Variants in NRG1 observed in about 807,000 individuals in gnomAD.
The protein encoded by NRG1 is pro-neuregulin-1, membrane-bound isoform.
In NRG1, 18 loss-of-function variants were observed where a neutral mutation model predicts 63.8. The observed-to-expected ratio is 0.28, with a 90% CI of 0.19 to 0.42. The LOEUF (loss-of-function observed/expected upper bound fraction) is 0.42. Among genes scored for constraint, NRG1 ranks in the 10% least tolerant of loss-of-function variants. NRG1 has a pLI of 1.00. For synonymous variants in NRG1, 302 were observed against 301.3 expected (o/e 1.00, Z -0.02); for missense variants, 762 against 814.7 (o/e 0.94, Z 0.79).
chr8:32,284,489 G>GCCTGCCTT lies in NRG1; in HGVS notation c.38-311336_38-311335insGCCTTCCT, dbSNP rs1338557078. On this transcript the variant is annotated intron_variant, in intron 1 of 10. Coordinates refer to the NRG1 transcript ENST00000519301. ...ATAATGCTTGCCTCCCTGCCTGCCT[G>GCCTGCCTT]CCTTCCTTCCTTCCTTCCTTCCTTC... 2.3e-3 allele frequency among the ~76,000 whole-genome samples: 309 copies of GCCTGCCTT among 132,600 alleles called. 2 individuals are homozygous for GCCTGCCTT. The highest frequency in any genetic ancestry group is 6.9e-3 in the African/African-American group (236 of 34,204). 87.0% of individuals were successfully genotyped at this position (132,600 alleles called of 152,430 possible).
intron 1 of NRG1, among the ~76,000 whole-genome samples, chr8:32,124,226 C>T (rs915324606): frequency 5.9e-5 from 9 of 151,912 alleles, no homozygotes; most frequent in Non-Finnish European, 1.3e-4. Context: ...CATTCTTTAG[C>T]CATGCACCAA....
chr8:32,568,346 G>A (rs962916979), intron 1 of NRG1, among the ~76,000 whole-genome samples: 14 of 152,036 alleles, frequency 9.2e-5, no homozygotes, highest in Non-Finnish European at 1.8e-4. Flanking sequence ...TTTACACTGT[G>A]GATTTTGGAG....
At chr8:32,323,996 A>G (rs1157537878) in intron 1 of NRG1, among the ~76,000 whole-genome samples, 2 of 152,188 alleles carry the variant, frequency 1.3e-5, no homozygotes, top group South Asian at 2.1e-4. Context: ...TCGTGTCAGG[A>G]GAAAGCTAAT....
chr8:32,313,003 A>G (rs559828401), intron 1 of NRG1, among the ~76,000 whole-genome samples: 8 of 152,236 alleles, frequency 5.3e-5, no homozygotes, highest in Middle Eastern at 3.4e-3. Context: ...AAAATACAAA[A>G]TTAGCCGCGT....
intron 1 of NRG1, among the ~76,000 whole-genome samples, chr8:31,982,355 A>G (rs1008183045): frequency 6.6e-5 from 10 of 152,098 alleles, no homozygotes; most frequent in Non-Finnish European, 1.3e-4. Flanking sequence ...ACAGTTGGGA[A>G]GAAGGTAAGT....
chr8:32,474,495 C>CT (rs10707813), intron 1 of NRG1, among the ~76,000 whole-genome samples: 132 of 132,386 alleles, frequency 1.0e-3, no homozygotes, highest in Middle Eastern at 3.7e-3. Flanking sequence ...GTGATATTCC[C>CT]TTTTTTTTTT....
intron 1 of NRG1, among the ~76,000 whole-genome samples, chr8:31,897,581 T>A (rs1469228763): frequency 6.6e-6 from 1 of 152,102 alleles, no homozygotes; most frequent in Non-Finnish European, 1.5e-5. Flanking sequence ...CAATCTATTC[T>A]CTCTGAAGCC....
chr8:32,307,702 A>G (rs1386866891), intron 1 of NRG1, among the ~76,000 whole-genome samples: 1 of 152,032 alleles, frequency 6.6e-6, no homozygotes, highest in Non-Finnish European at 1.5e-5. Flanking sequence ...TGCTACAGGC[A>G]TGAAGTTGCT....
At chr8:31,873,515 G>A (rs534436464) in intron 1 of NRG1, among the ~76,000 whole-genome samples, 71 of 152,222 alleles carry the variant, frequency 4.7e-4, no homozygotes, top group Non-Finnish European at 9.3e-4. Context: ...GCTGAGATCA[G>A]ACCACTGCAC....
At chr8:31,866,485 T>C (rs537226180) in intron 1 of NRG1, among the ~76,000 whole-genome samples, 64 of 152,298 alleles carry the variant, frequency 4.2e-4, no homozygotes, top group African/African-American at 1.3e-3. Context: ...TTGTTGACTT[T>C]CATTGCTACA....
intron 1 of NRG1, among the ~76,000 whole-genome samples, chr8:32,196,170 C>T (rs1004685334): frequency 2.7e-5 from 4 of 146,086 alleles, no homozygotes; most frequent in Non-Finnish European, 6.1e-5. Flanking sequence ...AGCAGTTGAT[C>T]TGTACACATA....
intron 1 of NRG1, among the ~76,000 whole-genome samples, chr8:31,654,316 T>C (rs544514002): frequency 6.6e-6 from 1 of 152,312 alleles, no homozygotes; most frequent in South Asian, 2.1e-4. Flanking sequence ...AACCAGTTCA[T>C]CCCAGGTGAA....
intron 1 of NRG1, among the ~76,000 whole-genome samples, chr8:31,672,631 A>T (rs1187620357): frequency 6.6e-6 from 1 of 152,168 alleles, no homozygotes; most frequent in Non-Finnish European, 1.5e-5. Context: ...ATATTGGCTG[A>T]ATAATTTGTA....
intron 1 of NRG1, among the ~76,000 whole-genome samples, chr8:32,463,827 C>CAAAGCAAG (rs1822643787): frequency 7.4e-6 from 1 of 134,878 alleles, no homozygotes; most frequent in South Asian, 2.5e-4. Context: ...GGTAACAAAG[C>CAAAGCAAG]AAAGCAAGAC....
chr8:32,609,610 CCTT>C (rs1845988751), intron 3 of NRG1, among the ~76,000 whole-genome samples: 1 of 114,214 alleles, frequency 8.8e-6, no homozygotes. Context: ...TTCCTTCCTT[CCTT>C]CCTTCCTTTC....
intron 1 of NRG1, among the ~76,000 whole-genome samples, chr8:32,158,448 G>GATAGATATAGATATATATATATATATAT (rs1491221971): frequency 1.6e-5 from 1 of 62,184 alleles, no homozygotes; most frequent in Non-Finnish European, 3.9e-5. Flanking sequence ...TGGTTTACAT[G>GATAGATATAGATATATATATATATATAT]ATATATATAT....
intron 1 of NRG1, among the ~76,000 whole-genome samples, chr8:31,957,989 C>A (rs780538848): frequency 2.0e-5 from 3 of 151,938 alleles, no homozygotes; most frequent in Non-Finnish European, 2.9e-5. Context: ...AAGATTAAAT[C>A]TGTATCCTCT....
rs150912287 is a variant in NRG1 at position 31,809,335 on chromosome 8, C to CATAT, written c.37+169914_37+169917dup. Among the ~76,000 whole-genome samples the CATAT allele has an allele frequency of 2.3e-3, 319 of 138,666 alleles. 2 individuals carry two copies. The highest frequency in any genetic ancestry group is 0.01 in the East Asian group (45 of 4,478). The allele number at this position is 138,666 out of a possible 152,430, so 91.0% of individuals were successfully genotyped here. A position where few individuals can be genotyped will look rare whatever the true frequency, so the allele number is the denominator to read the frequency against. ...AGTTTTTTTTTTCTCTCTCTCTCTC[C>CATAT]ATATATATATATACACACACACACA... On this transcript the variant is annotated intron_variant, in intron 1 of 10. Coordinates refer to the NRG1 transcript ENST00000519301.
intron 1 of NRG1, among the ~76,000 whole-genome samples, chr8:31,731,789 A>C (rs188034170): frequency 2.0e-5 from 3 of 152,332 alleles, no homozygotes; most frequent in Admixed American, 1.3e-4. Flanking sequence ...ATGTTAAATA[A>C]AATAAAGATG....
Sources: allele counts gnomAD v4.1 joint callset (sites outside exome capture counted in the v4.1 genomes callset), GRCh38; gene constraint gnomAD v4.1.1; transcripts MANE v1.5; gene names NCBI Gene and HGNC (gene_info 2026-07-23, HGNC 2026-07-21).